Variants in MTA3 observed in about 807,000 individuals in gnomAD.
The protein encoded by MTA3 is metastasis associated 1 family member 3.
In MTA3, 34 loss-of-function variants were observed where a neutral mutation model predicts 83.5. The observed-to-expected ratio is 0.41, with a 90% CI of 0.31 to 0.54. The LOEUF (loss-of-function observed/expected upper bound fraction) is 0.54, where lower values mean the gene tolerates loss of function less well. MTA3 is among the 20% of genes least tolerant of loss of function. The pLI is 0.33. For synonymous variants in MTA3, 303 were observed against 252.7 expected (o/e 1.20, Z -1.89); for missense variants, 761 against 726.4 (o/e 1.05, Z -0.55).
At chr2:42,592,913 G>C (rs1244233202) in intron 3 of MTA3, among the ~76,000 whole-genome samples, 8 of 152,114 alleles carry the variant, frequency 5.3e-5, no homozygotes, top group Non-Finnish European at 1.2e-4. Flanking sequence ...CACTTGGGGA[G>C]GCTGAGGTGG....
At position 42,704,187 on chromosome 2, in the gene MTA3, T is replaced by C. The variant is rs566254642; in HGVS notation, c.1026-7T>C. 1.6e-5 allele frequency: 26 copies of C among 1,613,386 alleles called. No homozygotes were observed. Among genetic ancestry groups the C allele is most frequent in the Admixed American group, 6.7e-5 (4 of 59,918 alleles). The stretch of plus-strand genomic sequence containing the variant: ...ATTTTATCACCTTATTTTAATTTCA[T>C]TGAAAGCAGCAAACCAAATCCCAAC... On this transcript the variant is annotated splice_region_variant and splice_polypyrimidine_tract_variant and intron_variant, in intron 11 of 16. Transcript: ENST00000405094.
intron 2 of MTA3, among the ~76,000 whole-genome samples, chr2:42,517,060 G>C (rs1345940377): frequency 6.6e-6 from 1 of 152,104 alleles, no homozygotes; most frequent in Admixed American, 6.6e-5. Flanking sequence ...AGGAGTTTGA[G>C]ACCAGCCTGA....
At chr2:42,516,213 C>G (rs180991592) in intron 2 of MTA3, among the ~76,000 whole-genome samples, 65 of 152,194 alleles carry the variant, frequency 4.3e-4, no homozygotes, top group Admixed American at 2.2e-3. Context: ...CCGCTCCTGG[C>G]GCAGTGTTTA....
intron 2 of MTA3, among the ~76,000 whole-genome samples, chr2:42,572,866 T>C (rs577574297): frequency 6.6e-6 from 1 of 152,154 alleles, no homozygotes; most frequent in Non-Finnish European, 1.5e-5. Context: ...TAGCTGGGAT[T>C]ACAGGCATGC....
chr2:42,735,987 G>C (rs757251596), intron 16 of MTA3, among the ~76,000 whole-genome samples: 4 of 152,174 alleles, frequency 2.6e-5, no homozygotes, highest in Non-Finnish European at 5.9e-5. Flanking sequence ...GGATGGTCTT[G>C]AAGTTTGTGG....
At chr2:42,726,616 T>C (rs1667839406) in intron 16 of MTA3, among the ~76,000 whole-genome samples, 1 of 152,196 alleles carries the variant, frequency 6.6e-6, no homozygotes, top group African/African-American at 2.4e-5. Flanking sequence ...TTTGTTTTTT[T>C]GTCCTTGCAT....
In MTA3 at chr2:42,571,844, G is replaced by A. The variant is rs146584005; in HGVS notation, c.96+1340G>A. Among the ~76,000 whole-genome samples the A allele has an allele frequency of 4.3e-3, 662 of 152,200 alleles. 7 individuals carry two copies. Among genetic ancestry groups the A allele is most frequent in the African/African-American group, 0.015 (642 of 41,522 alleles). On this transcript the variant is annotated intron_variant, in intron 2 of 16. Coordinates refer to ENST00000405094, the MANE Select transcript of MTA3 (RefSeq NM_001330442.2). ...TGCCTGTAATCCCAGCCACTTGGGA[G>A]GCTGAGGCAGGAGAATTGCTTGAAC...
At chr2:42,730,963 A>G (rs1484364971) in intron 16 of MTA3, among the ~76,000 whole-genome samples, 3 of 151,998 alleles carry the variant, frequency 2.0e-5, no homozygotes, top group Non-Finnish European at 4.4e-5. Flanking sequence ...GAATGTATCC[A>G]TTTCTTCTAG....
intron 3 of MTA3, among the ~76,000 whole-genome samples, chr2:42,592,617 T>A (rs2103945580): frequency 6.6e-6 from 1 of 152,300 alleles, no homozygotes; most frequent in Middle Eastern, 3.4e-3. Flanking sequence ...AAACTTTTTT[T>A]ATTAACAATG....
intron 16 of MTA3, among the ~76,000 whole-genome samples, chr2:42,745,111 T>C (rs964184968): frequency 6.6e-6 from 1 of 152,276 alleles, no homozygotes; most frequent in African/African-American, 2.4e-5. Flanking sequence ...CATTTTCCTC[T>C]ATCAGCCAGA....
intron 2 of MTA3, among the ~76,000 whole-genome samples, chr2:42,532,488 C>T (rs566517472): frequency 2.6e-5 from 4 of 152,112 alleles, no homozygotes; most frequent in South Asian, 2.1e-4. Context: ...CCAGCCTGGG[C>T]GACACAGTGA....
rs1398081106 is a variant in MTA3 at position 42,722,987 on chromosome 2, C to G, written c.1711C>G (p.Leu571Val). The G allele has an allele frequency of 1.3e-6, 2 of 1,551,120 alleles. No individual in the cohort carries two copies. Among genetic ancestry groups the G allele is most frequent in the South Asian group, 1.2e-5 (1 of 84,066 alleles). The change falls in exon 16 of 17, where the codon CTG (leucine) becomes GTG (valine). Residue 571 changes from leucine (L) to valine (V), a missense_variant. By Grantham distance (32) the Leu-to-Val change is conservative. Coordinates refer to ENST00000405094, the MANE Select transcript of MTA3 (RefSeq NM_001330442.2). ...GCTAACAACTCCAAATCACACATCT[C>G]TGAGCATTCTGGGGAAAAGAAACTA... is the stretch of plus-strand genomic sequence containing the variant. ...RMLTTPNHTSLSILGKRNYSH... is the reference protein window; with the variant it reads ...RMLTTPNHTSVSILGKRNYSH...
At chr2:42,536,722 G>A (rs541302296) in intron 2 of MTA3, among the ~76,000 whole-genome samples, 2 of 151,898 alleles carry the variant, frequency 1.3e-5, no homozygotes, top group South Asian at 4.2e-4. Context: ...AGCCGGGCGT[G>A]GTAGCAGGCG....
At chr2:42,527,269 C>T (rs2103710695) in intron 2 of MTA3, among the ~76,000 whole-genome samples, 1 of 152,168 alleles carries the variant, frequency 6.6e-6, no homozygotes. Flanking sequence ...CAACACTCAG[C>T]TGCATCACCC....
At chr2:42,593,244 TG>T (rs1420118036) in intron 3 of MTA3, among the ~76,000 whole-genome samples, 1 of 150,786 alleles carries the variant, frequency 6.6e-6, no homozygotes, top group African/African-American at 2.4e-5. Context: ...CTCAGCCCTT[TG>T]GGAGGCCGAG....
intron 2 of MTA3, among the ~76,000 whole-genome samples, chr2:42,551,335 T>A (rs1291584787): frequency 6.6e-6 from 1 of 151,954 alleles, no homozygotes; most frequent in Non-Finnish European, 1.5e-5. Context: ...GGATTACAGA[T>A]GCACACCACC....
intron 9 of MTA3, among the ~76,000 whole-genome samples, chr2:42,693,121 C>A (rs1485906079): frequency 6.6e-6 from 1 of 152,146 alleles, no homozygotes; most frequent in African/African-American, 2.4e-5. Flanking sequence ...CCCCTCCTTC[C>A]TTCTCTCCCC....
chr2:42,572,335 ACATT>A (rs1678583619), intron 2 of MTA3, among the ~76,000 whole-genome samples: 1 of 151,926 alleles, frequency 6.6e-6, no homozygotes, highest in South Asian at 2.1e-4. Context: ...TGTAATCCTA[ACATT>A]TTGGGAAGCT....
upstream of MTA3, among the ~76,000 whole-genome samples, chr2:42,564,761 G>A (rs944109725): frequency 6.6e-6 from 1 of 152,102 alleles, no homozygotes; most frequent in Non-Finnish European, 1.5e-5. Context: ...CCCAGACTGT[G>A]GCCAGCACCA....
Sources: gnomAD v4.1 joint callset for allele counts (sites outside exome capture counted in the v4.1 genomes callset) on GRCh38, gnomAD v4.1.1 for gene constraint, MANE v1.5 for transcripts, NCBI Gene and HGNC (gene_info 2026-07-23, HGNC 2026-07-21) for gene names.